MYO1H: variants seen among roughly 807,000 people sequenced by gnomAD.
MYO1H encodes myosin IH, also known as unconventional myosin-Ih.
In MYO1H, 118 loss-of-function variants were observed where a neutral mutation model predicts 149.3. The observed-to-expected ratio is 0.79, with a 90% CI of 0.68 to 0.92. The LOEUF (loss-of-function observed/expected upper bound fraction) is 0.92, where lower values mean the gene tolerates loss of function less well. MYO1H is among the 40% of genes least tolerant of loss of function. The probability of loss-of-function intolerance (pLI) is 0.00; values close to 1 mark genes in which losing one functional copy is unlikely to be tolerated. For missense variants in MYO1H, 1,212 were observed against 1,280.7 expected, an observed-to-expected ratio of 0.95 and a Z score of 0.82; for synonymous variants, 447 against 465.2, an observed-to-expected ratio of 0.96 and a Z score of 0.50.
chr12:109,348,161 T>G (rs1260295661), intron 1 of MYO1H, among the ~76,000 whole-genome samples, 189 bp downstream of exon 1: 1 of 152,232 alleles, frequency 6.6e-6, no homozygotes, highest in Non-Finnish European at 1.5e-5. Flanking sequence ...TCCCTTCTGT[T>G]GCTGGGGGCA....
the MYO1H span, among the ~76,000 whole-genome samples, chr12:109,340,254 C>G: frequency 6.6e-6 from 1 of 152,154 alleles, no homozygotes; most frequent in Non-Finnish European, 1.5e-5. Flanking sequence ...ATTCTCAGCT[C>G]ACTGCAACCT....
intron 19 of MYO1H, among the ~76,000 whole-genome samples, chr12:109,429,327 G>A (rs932967269): frequency 1.3e-5 from 2 of 152,250 alleles, no homozygotes; most frequent in South Asian, 2.1e-4. Context: ...CTATGGGGGA[G>A]ACCAACAATA....
the MYO1H span, among the ~76,000 whole-genome samples, chr12:109,318,967 G>GTTTTTTTTTTTTTTTT: frequency 3.8e-4 from 30 of 79,608 alleles, 3 homozygotes; most frequent in African/African-American, 7.1e-4. Flanking sequence ...TGCGTTTTTG[G>GTTTTTTTTTTTTTTTT]TTTTGTTTTT....
chr12:109,406,585 G>A (rs1287800039), intron 8 of MYO1H, among the ~76,000 whole-genome samples: 1 of 151,778 alleles, frequency 6.6e-6, no homozygotes, highest in Admixed American at 6.6e-5. Context: ...GGGAGGTGGA[G>A]GTTGCAGTGA....
At chr12:109,318,960 GTTTTTGGTTTTGT>G in the MYO1H span, among the ~76,000 whole-genome samples, 22 of 77,952 alleles carry the variant, frequency 2.8e-4, 1 homozygote, top group African/African-American at 1.3e-3. Flanking sequence ...AACTCTCTGC[GTTTTTGGTTTTGT>G]TTTTTTTTTT....
chr12:109,315,236 G>C, the MYO1H span, among the ~76,000 whole-genome samples: 2 of 152,168 alleles, frequency 1.3e-5, no homozygotes, highest in African/African-American at 4.8e-5. Flanking sequence ...AAGCTGTCTT[G>C]CCTCTGAATT....
At chr12:109,347,947 TC>T in exon 1 of MYO1H, 1 of 399,048 alleles carries the variant, frequency 2.5e-6, no homozygotes, top group Non-Finnish European at 4.4e-6. Flanking sequence ...CAACCTGCTC[TC>T]CCTCTGTGCG....
chr12:109,320,064 A>G, the MYO1H span, among the ~76,000 whole-genome samples: 1 of 152,302 alleles, frequency 6.6e-6, no homozygotes, highest in East Asian at 1.9e-4. Flanking sequence ...CTGTAATCCC[A>G]GTGCTTTAGG....
At chr12:109,431,619 G>T (rs1871624007) in intron 19 of MYO1H, among the ~76,000 whole-genome samples, 1 of 152,194 alleles carries the variant, frequency 6.6e-6, no homozygotes, top group South Asian at 2.1e-4. Flanking sequence ...TTCTACGCCA[G>T]TGGCTCCGGT....
chr12:109,398,811 C>T (rs1324338771), intron 5 of MYO1H, among the ~76,000 whole-genome samples: 1 of 149,688 alleles, frequency 6.7e-6, no homozygotes, highest in African/African-American at 2.5e-5. Context: ...GCTTACCTGG[C>T]AGGGGCCAGC....
intron 1 of MYO1H, among the ~76,000 whole-genome samples, chr12:109,369,459 A>G (rs763186507): frequency 6.6e-6 from 1 of 152,208 alleles, no homozygotes; most frequent in Non-Finnish European, 1.5e-5. Context: ...ACCTCTGGGG[A>G]GAGACTGAGG....
upstream of MYO1H, among the ~76,000 whole-genome samples, chr12:109,344,811 G>A (rs918278010): frequency 4.6e-5 from 7 of 152,294 alleles, no homozygotes; most frequent in East Asian, 1.2e-3. Flanking sequence ...TAAAAGTTCA[G>A]GTGTAAACTA....
At chr12:109,396,447 C>G in exon 4 of MYO1H, 4 of 1,613,944 alleles carry the variant, frequency 2.5e-6, no homozygotes, top group Non-Finnish European at 3.4e-6. Flanking sequence ...ATTTCATCCT[C>G]ATTTCTGGAG....
chr12:109,347,368 A>T (rs1047654322), upstream of MYO1H, among the ~76,000 whole-genome samples: 1 of 152,192 alleles, frequency 6.6e-6, no homozygotes, highest in Non-Finnish European at 1.5e-5. Context: ...TTTTTATGAG[A>T]TGATAGTGCC....
chr12:109,417,805 TTTTTG>T lies in MYO1H; in HGVS notation c.1597+2205_1597+2209del, dbSNP rs200539969. Among the ~76,000 whole-genome samples the T allele has an allele frequency of 6.0e-5, 9 of 150,288 alleles. No individual in the cohort carries two copies. The South Asian group carries it at 1.3e-3, about 21-fold the overall frequency. Reference sequence around the variant, plus strand: ...TTTGCCCATGTTTTAAGATTGGGTTTTTTTGTTTTGTTTTGTTTTGTTTTTTTTGA... The same window carrying T: ...TTTGCCCATGTTTTAAGATTGGGTTTTTTTGTTTTGTTTTGTTTTTTTTGA... On this transcript the variant is annotated intron_variant, in intron 15 of 31. Coordinates refer to ENST00000310903, the Ensembl canonical transcript of MYO1H.
At chr12:109,396,220 G>C (rs564199957) in intron 3 of MYO1H, among the ~76,000 whole-genome samples, 164 bp from the exon 4 acceptor site, 1 of 152,106 alleles carries the variant, frequency 6.6e-6, no homozygotes, top group African/African-American at 2.4e-5. Context: ...ACTGTGCCCC[G>C]CCTATGGAAA....
chr12:109,441,142 C>A (rs1872111085), intron 25 of MYO1H, among the ~76,000 whole-genome samples: 1 of 152,176 alleles, frequency 6.6e-6, no homozygotes, highest in African/African-American at 2.4e-5. Flanking sequence ...ACCTGCGGGT[C>A]TTTTGTGTAA....
intron 1 of MYO1H, among the ~76,000 whole-genome samples, chr12:109,379,513 T>C (rs567539124): frequency 6.6e-6 from 1 of 152,250 alleles, no homozygotes; most frequent in African/African-American, 2.4e-5. Context: ...ATTGTTTTAG[T>C]AAACTGCAAT....
chr12:109,393,387 C>T (rs776348932), exon 3 of MYO1H: 4 of 1,589,198 alleles, frequency 2.5e-6, no homozygotes, highest in South Asian at 1.1e-5. Context: ...TCGGAATCTA[C>T]ACTGTGAGCC....
Sources: gnomAD v4.1 joint callset for allele counts (sites outside exome capture counted in the v4.1 genomes callset) on GRCh38, gnomAD v4.1.1 for gene constraint, MANE v1.5 for transcripts, NCBI Gene and HGNC (gene_info 2026-07-23, HGNC 2026-07-21) for gene names.